Variants in TUBGCP3 observed in about 807,000 individuals in gnomAD.
The protein encoded by TUBGCP3 is tubulin gamma complex component 3.
A neutral mutation model predicts 123.1 loss-of-function variants in TUBGCP3; 50 were observed. That is an observed-to-expected ratio of 0.41 (90% CI 0.32 to 0.51). TUBGCP3 has a LOEUF of 0.51. Among genes scored for constraint, TUBGCP3 ranks in the 20% least tolerant of loss-of-function variants. TUBGCP3 has a pLI of 0.36. For missense variants in TUBGCP3, 882 were observed against 1,127.0 expected (o/e 0.78, Z 3.11); for synonymous variants, 405 against 413.9 (o/e 0.98, Z 0.26).
chr13:112,557,742 T>C (rs960684201), intron 5 of TUBGCP3, among the ~76,000 whole-genome samples: 5 of 152,240 alleles, frequency 3.3e-5, no homozygotes, highest in African/African-American at 4.8e-5. Flanking sequence ...TGCACTAAAA[T>C]GTCACGATCC....
chr13:112,554,416 C>T (rs551686877), intron 7 of TUBGCP3, among the ~76,000 whole-genome samples: 2 of 152,268 alleles, frequency 1.3e-5, no homozygotes, highest in East Asian at 1.9e-4. Flanking sequence ...AGTTGGCCTG[C>T]GGTGTGGCAG....
At chr13:112,596,313 A>G in the TUBGCP3 span, among the ~76,000 whole-genome samples, 1 of 152,146 alleles carries the variant, frequency 6.6e-6, no homozygotes, top group Non-Finnish European at 1.5e-5. Context: ...GATGGCAGCA[A>G]ATTCTTTTTG....
At chr13:112,594,629 A>T in the TUBGCP3 span, among the ~76,000 whole-genome samples, 1 of 151,808 alleles carries the variant, frequency 6.6e-6, no homozygotes, top group Non-Finnish European at 1.5e-5. Flanking sequence ...TTGCTCTTCT[A>T]TTTCTAGATT....
chr13:112,529,452 G>A (rs559761522), intron 11 of TUBGCP3, among the ~76,000 whole-genome samples: 6 of 152,312 alleles, frequency 3.9e-5, no homozygotes, highest in African/African-American at 9.6e-5. Context: ...TGACCAATTC[G>A]TTTTTTATGA....
At chr13:112,568,370 C>G (rs1178062768) in intron 2 of TUBGCP3, among the ~76,000 whole-genome samples, 143 of 84,496 alleles carry the variant, frequency 1.7e-3, no homozygotes, top group Middle Eastern at 0.011. Context: ...GCTTCTAGAA[C>G]GTGTTATTAC....
the TUBGCP3 span, among the ~76,000 whole-genome samples, chr13:112,597,132 T>C: frequency 1.3e-5 from 2 of 152,122 alleles, no homozygotes; most frequent in Admixed American, 1.3e-4. Context: ...AAAATTGGAG[T>C]TTATGGCATG....
chr13:112,491,678 G>A (rs927240047), intron 20 of TUBGCP3, among the ~76,000 whole-genome samples: 3 of 152,132 alleles, frequency 2.0e-5, no homozygotes, highest in Non-Finnish European at 2.9e-5. Flanking sequence ...GGAGAACGGG[G>A]TCTTGCTATA....
Position 112,489,604 on chromosome 13 carries a change from G to C in TUBGCP3, c.2542C>G (p.Arg848Gly). Residue 848 changes from arginine to glycine, a missense_variant, in exon 21 of 22, where the codon CGA (arginine) becomes GGA (glycine). Transcript: ENST00000261965. ...ACCTGGTAGAAATGGGTCAATATTC[G>C]CAACTGTGAGCACATTTTTGGTATA... ...ESIPKMCSQL[R>G]ILTHFYQGIV... 1 of 1,613,936 alleles carries C rather than the reference G, an allele frequency of 6.2e-7. No individual in the cohort carries two copies. The highest frequency in any genetic ancestry group is 8.5e-7 in the Non-Finnish European group (1 of 1,179,796).
intron 1 of TUBGCP3, among the ~76,000 whole-genome samples, chr13:112,581,030 A>G (rs1323171917): frequency 2.3e-5 from 3 of 128,156 alleles, no homozygotes; most frequent in African/African-American, 1.1e-4. Flanking sequence ...CACTCTGCTC[A>G]CACACCCATC....
intron 1 of TUBGCP3, among the ~76,000 whole-genome samples, chr13:112,581,118 T>G (rs2139325176): frequency 6.6e-6 from 1 of 152,248 alleles, no homozygotes; most frequent in African/African-American, 2.4e-5. Flanking sequence ...ACTCCTGCTA[T>G]TCCTGGAACA....
chr13:112,498,739 G>A (rs1219607816), intron 20 of TUBGCP3: 2 of 1,501,718 alleles, frequency 1.3e-6, no homozygotes, highest in East Asian at 2.5e-5. Context: ...GGAGGCAGCT[G>A]TGGAGATTCC....
At chr13:112,533,776 C>A (rs1877791716) in intron 11 of TUBGCP3, among the ~76,000 whole-genome samples, 2 of 147,996 alleles carry the variant, frequency 1.4e-5, no homozygotes, top group African/African-American at 5.0e-5. Flanking sequence ...CTAGATAAAG[C>A]AGAGTTCTTT....
chr13:112,499,639 G>A (rs1383416798), intron 19 of TUBGCP3, among the ~76,000 whole-genome samples: 2 of 151,780 alleles, frequency 1.3e-5, no homozygotes, highest in African/African-American at 4.8e-5. Context: ...TATGAGAAAG[G>A]AAATACTTAG....
At chr13:112,582,040 A>C (rs1882310052) in intron 1 of TUBGCP3, among the ~76,000 whole-genome samples, 1 of 152,192 alleles carries the variant, frequency 6.6e-6, no homozygotes, top group Non-Finnish European at 1.5e-5. Context: ...TCCAACTGTT[A>C]CCTCTTAAAC....
chr13:112,586,131 C>T (rs1049046437), intron 1 of TUBGCP3, among the ~76,000 whole-genome samples: 1 of 151,256 alleles, frequency 6.6e-6, no homozygotes, highest in African/African-American at 2.4e-5. Flanking sequence ...CCCAGCTACT[C>T]GGGAGGCTGA....
intron 11 of TUBGCP3, among the ~76,000 whole-genome samples, chr13:112,533,609 G>C (rs374047640): frequency 6.6e-6 from 1 of 151,616 alleles, no homozygotes; most frequent in African/African-American, 2.4e-5. Flanking sequence ...CCGTGCCTTT[G>C]TCGTCAACAG....
chr13:112,526,819 C>T, intron 13 of TUBGCP3, 123 bp downstream of exon 13: 1 of 715,708 alleles, frequency 1.4e-6, no homozygotes, highest in South Asian at 1.8e-5. Flanking sequence ...CCATCATCCC[C>T]ATCATCACAC....
chr13:112,567,698 G>A (rs1047813435), intron 2 of TUBGCP3, among the ~76,000 whole-genome samples: 1 of 152,158 alleles, frequency 6.6e-6, no homozygotes, highest in African/African-American at 2.4e-5. Flanking sequence ...CCCTGAACAG[G>A]CAAAAGCACT....
At chr13:112,604,030 C>T in the TUBGCP3 span, 1 of 152,190 alleles carries the variant, frequency 6.6e-6, no homozygotes, top group Non-Finnish European at 1.5e-5. Flanking sequence ...ATTTAGTCCT[C>T]CCTGGGATCC....
Sources: allele counts gnomAD v4.1 joint callset (sites outside exome capture counted in the v4.1 genomes callset), GRCh38; gene constraint gnomAD v4.1.1; transcripts MANE v1.5; gene names NCBI Gene and HGNC (gene_info 2026-07-23, HGNC 2026-07-21).